TONSL: variants seen among roughly 807,000 people sequenced by gnomAD.
TONSL encodes the protein tonsoku-like protein.
In TONSL, 112 loss-of-function variants were observed where a neutral mutation model predicts 147.1. The ratio of observed to expected loss-of-function variants is 0.76; its 90% confidence interval spans 0.65 to 0.89. The LOEUF (loss-of-function observed/expected upper bound fraction) is 0.89. TONSL is among the 40% of genes least tolerant of loss of function. The probability of loss-of-function intolerance (pLI) is 0.00; values close to 1 mark genes in which losing one functional copy is unlikely to be tolerated. For synonymous variants in TONSL, 868 were observed against 801.5 expected (o/e 1.08, Z -1.40); for missense variants, 1,883 against 1,864.6 (o/e 1.01, Z -0.18).
chr8:144,444,379 G>C lies in TONSL; in HGVS notation c.25+11C>G. 1 of 1,277,192 alleles carries C rather than the reference G, an allele frequency of 7.8e-7. No homozygotes were observed. Among genetic ancestry groups the C allele is most frequent in the Non-Finnish European group, 9.9e-7 (1 of 1,009,718 alleles). The allele number at this position is 1,277,192 out of a possible 1,614,324, so 79.1% of individuals were successfully genotyped here. ...CGCGCCCCCGGAGGAAGGGGTCCCC[G>C]AGGAACTTACGGCGAAGCTCGCGCT... is the stretch of plus-strand genomic sequence containing the variant. On this transcript the variant is annotated intron_variant, in intron 1 of 25. Transcript: ENST00000409379.
chr8:144,431,722 C>G (rs1211541802), intron 23 of TONSL, among the ~76,000 whole-genome samples: 2 of 151,982 alleles, frequency 1.3e-5, no homozygotes, highest in Middle Eastern at 3.2e-3. Context: ...ACCATGTTAG[C>G]CAGGATGGTC....
Position 144,436,041 on chromosome 8 carries a change from C to A in TONSL, c.2392G>T (p.Gly798Cys). ...AGCCGGCTCTGAGCACTGCCCACAC[C>A]CCGGATGGCTGCCTGGTAGGCTGCC... ...SRAAYQAAIR[G>C]VGSAQSRLGP... Residue 798 changes from glycine (G) to cysteine (C), a missense_variant, in exon 17 of 26, where the codon GGT (glycine) becomes TGT (cysteine). By Grantham distance (159) the Gly-to-Cys change is radical. Coordinates refer to ENST00000409379, the MANE Select transcript of TONSL (RefSeq NM_013432.5). 6.4e-7 allele frequency: 1 copy of A among 1,573,710 alleles called. No individual in the cohort carries two copies. The highest frequency in any genetic ancestry group is 1.1e-5 in the South Asian group (1 of 88,246).
rs1199488116 is a variant in TONSL at position 144,435,313 on chromosome 8, C to G, written c.2853-143G>C. ...AGCCGGCCCCTCCTCTCCCTGCAGC[C>G]CAGCACACCACCAGCCCCTCTGCTA... is the stretch of plus-strand genomic sequence containing the variant. On this transcript the variant is annotated intron_variant, in intron 18 of 25. Transcript: ENST00000409379. The G allele has an allele frequency of 5.5e-6, 7 of 1,264,966 alleles. No individual in the cohort carries two copies. The East Asian group carries it at 1.8e-4, about 32-fold the overall frequency. The allele number at this position is 1,264,966 out of a possible 1,614,324, so 78.4% of individuals were successfully genotyped here.
chr8:144,431,204 G>C, intron 23 of TONSL, 53 bp from the exon 24 acceptor site: 2 of 1,580,560 alleles, frequency 1.3e-6, no homozygotes, highest in Non-Finnish European at 8.7e-7. Context: ...CACCTGCCCT[G>C]CCTGCTTCCC....
Position 144,437,061 on chromosome 8 carries a change from TGTCCAGCCACAGTA to T in TONSL, c.1678_1691del (p.Tyr560ThrfsTer51). 6.2e-7 allele frequency: 1 copy of T among 1,613,062 alleles called. No homozygotes were observed. The highest frequency in any genetic ancestry group is 8.5e-7 in the Non-Finnish European group (1 of 1,179,948). On this transcript the variant is annotated frameshift_variant, in exon 14 of 26. Coordinates refer to ENST00000409379, the MANE Select transcript of TONSL (RefSeq NM_013432.5). LOFTEE classifies it high-confidence loss of function. Reference sequence around the variant, plus strand: ...CGTAGTTGCAGGCCTCGTGCAGAGGTGTCCAGCCACAGTAGTCCCGAGGGTTAAGGGGGTGGCCC... The same window carrying T: ...CGTAGTTGCAGGCCTCGTGCAGAGGTGTCCCGAGGGTTAAGGGGGTGGCCC...
Position 144,440,698 on chromosome 8 carries a change from G to A in TONSL, c.1164+20C>T. ...GAGACATGGGTGAACCTGCATTCGG[G>A]CGGGGAGCAAGGGTTTCACCTCCAG... On this transcript the variant is annotated intron_variant, in intron 9 of 25. Coordinates refer to ENST00000409379, the MANE Select transcript of TONSL (RefSeq NM_013432.5). 6.2e-7 allele frequency: 1 copy of A among 1,606,248 alleles called. No homozygotes were observed. Among genetic ancestry groups the A allele is most frequent in the Non-Finnish European group, 8.5e-7 (1 of 1,175,662 alleles).
chr8:144,438,963 A>C (rs1823591925), intron 11 of TONSL, among the ~76,000 whole-genome samples: 1 of 151,892 alleles, frequency 6.6e-6, no homozygotes, highest in Non-Finnish European at 1.5e-5. Context: ...CCCTCTGCCC[A>C]CTTGAGACAC....
In TONSL at chr8:144,438,643, C is replaced by T. The variant is rs770460983; in HGVS notation, c.1563+10G>A. On this transcript the variant is annotated intron_variant, in intron 12 of 25. Coordinates refer to ENST00000409379, the MANE Select transcript of TONSL (RefSeq NM_013432.5). ...GAGCGGGGTGGGTGGGGGCAGGGCACTGTCCTCACCTTGCTCCCCTTCCGC... is the reference window on the plus strand; with the variant it reads ...GAGCGGGGTGGGTGGGGGCAGGGCATTGTCCTCACCTTGCTCCCCTTCCGC... The T allele has an allele frequency of 9.9e-6, 16 of 1,612,860 alleles. No individual in the cohort carries two copies. Among genetic ancestry groups the T allele is most frequent in the Middle Eastern group, 3.3e-4 (2 of 6,054 alleles).
Position 144,440,338 on chromosome 8 carries a change from TG to T in TONSL, c.1290+12del. The T allele has an allele frequency of 6.3e-7, 1 of 1,577,918 alleles. No homozygotes were observed. The highest frequency in any genetic ancestry group is 1.3e-5 in the African/African-American group (1 of 74,200). On this transcript the variant is annotated intron_variant, in intron 10 of 25. Coordinates refer to ENST00000409379, the MANE Select transcript of TONSL (RefSeq NM_013432.5). ...CACCGGGGAGCCAGTATGGGTGGGATGGGCTCTCGCACCTGCAGCTGGGGAC... is the reference window on the plus strand; with the variant it reads ...CACCGGGGAGCCAGTATGGGTGGGATGGCTCTCGCACCTGCAGCTGGGGAC...
rs1273404121 is a variant in TONSL, at chr8:144,436,322, T to G, written c.2111A>C (p.Asn704Thr). Residue 704 changes from asparagine (N) to threonine (T), a missense_variant, in exon 17 of 26, where the codon AAT (asparagine) becomes ACT (threonine). Asn to Thr is a moderately conservative substitution (Grantham distance 65, BLOSUM62 0). Coordinates refer to ENST00000409379, the MANE Select transcript of TONSL (RefSeq NM_013432.5). ...PLSPCPEPPS[N>T]STRLPEASQA... is the part of the protein sequence containing the mutation. ...AGAGGCCTCTGGGAGTCTAGTGCTA[T>G]TAGAGGGGGGTTCTGGGCAGGGGCT... The G allele has an allele frequency of 8.7e-6, 13 of 1,501,854 alleles. No individual in the cohort carries two copies. Among genetic ancestry groups the G allele is most frequent in the Non-Finnish European group, 1.1e-5 (13 of 1,132,592 alleles). The allele number at this position is 1,501,854 out of a possible 1,614,324, so 93.0% of individuals were successfully genotyped here.
chr8:144,436,244 G>C lies in TONSL; in HGVS notation c.2189C>G (p.Pro730Arg). 1.3e-6 allele frequency: 2 copies of C among 1,543,162 alleles called. No individual in the cohort carries two copies. The highest frequency in any genetic ancestry group is 1.7e-6 in the Non-Finnish European group (2 of 1,148,522). ...PGQAAPAMARPRRSRHGPASS... is the reference protein window; with the variant it reads ...PGQAAPAMARRRRSRHGPASS... Reference sequence around the variant, plus strand: ...GGCTGGCCCATGCCTGCTCCTCCGAGGCCTGGCCATGGCTGGTGCCGCCTG... The same window carrying C: ...GGCTGGCCCATGCCTGCTCCTCCGACGCCTGGCCATGGCTGGTGCCGCCTG... Residue 730 changes from proline to arginine, a missense_variant, in exon 17 of 26, where the codon CCT becomes CGT. Pro to Arg is a moderately radical substitution (Grantham distance 103, BLOSUM62 -2). Coordinates refer to ENST00000409379, the MANE Select transcript of TONSL (RefSeq NM_013432.5).
rs1564729049 is a variant in TONSL at position 144,435,525 on chromosome 8, C to T, written c.2801G>A (p.Arg934Gln). ...PLGPAPPPPI[R>Q]VRVQVQDHLF... ...ATGATCCTGAACTTGAACTCGAACC[C>T]GGATGGGAGGGGGCGGGGCCGGACC... Residue 934 changes from arginine (R) to glutamine (Q), a missense_variant, in exon 18 of 26, where the codon CGG becomes CAG. By Grantham distance (43) the Arg-to-Gln change is conservative (BLOSUM62 1). Coordinates refer to ENST00000409379, the MANE Select transcript of TONSL (RefSeq NM_013432.5). 6 of 1,550,806 alleles carry T rather than the reference C, an allele frequency of 3.9e-6. No homozygotes were observed. Among genetic ancestry groups the T allele is most frequent in the East Asian group, 2.4e-5 (1 of 41,012 alleles).
At chr8:144,443,781 C>T (rs1823804708) in intron 3 of TONSL, 101 bp downstream of exon 3, 1 of 1,478,524 alleles carries the variant, frequency 6.8e-7, no homozygotes, top group East Asian at 2.5e-5. Flanking sequence ...CAGGTGTCCC[C>T]TCCAGCCCGA....
Position 144,429,164 on chromosome 8 carries a change from C to T in TONSL, c.4116G>A (p.Lys1372=). Reference sequence around the variant, plus strand: ...AGGGTCAGAGGCGCCGAAAGAAGAGCTTGGAGCCGTGGTCCAGCGTGCACT... The same window carrying T: ...AGGGTCAGAGGCGCCGAAAGAAGAGTTTGGAGCCGTGGTCCAGCGTGCACT... The part of the protein sequence containing the change: ...PGECTLDHGS[K]LFFRRL The change falls in exon 26 of 26, where the codon AAG becomes AAA. Residue 1372 remains lysine, a synonymous_variant. Transcript: ENST00000409379. The T allele has an allele frequency of 6.5e-7, 1 of 1,532,726 alleles. No homozygotes were observed. The highest frequency in any genetic ancestry group is 8.7e-7 in the Non-Finnish European group (1 of 1,144,542). 94.9% of individuals were successfully genotyped at this position (1,532,726 alleles called of 1,614,324 possible). A position where few individuals can be genotyped will look rare whatever the true frequency, so the allele number is the denominator to read the frequency against.
chr8:144,440,578 T>C (rs1468773853), intron 9 of TONSL, 102 bp from the exon 10 acceptor site: 1 of 1,520,942 alleles, frequency 6.6e-7, no homozygotes, highest in Non-Finnish European at 8.8e-7. Context: ...GAGCCCGGCC[T>C]CCCAGCTGCC....
rs1823783040 is a variant in TONSL, at chr8:144,443,126, G to A, written c.448+12C>T. ...AGTTCAGGAGGCAGAAAACGCGGAG[G>A]GGTCTGCCCACCCTCCAGCTCCTCA... is the stretch of plus-strand genomic sequence containing the variant. On this transcript the variant is annotated intron_variant, in intron 4 of 25. Coordinates refer to ENST00000409379, the MANE Select transcript of TONSL (RefSeq NM_013432.5). 1 of 1,545,794 alleles carries A rather than the reference G, an allele frequency of 6.5e-7. No individual in the cohort carries two copies. Among genetic ancestry groups the A allele is most frequent in the East Asian group, 2.5e-5 (1 of 40,744 alleles).
At chr8:144,441,486 G>A (rs191964993) in intron 7 of TONSL, 121 of 214,936 alleles carry the variant, frequency 5.6e-4, no homozygotes, top group Non-Finnish European at 1.0e-3. Flanking sequence ...CAGCTACTCG[G>A]GAGGCTGAGG....
intron 23 of TONSL, 134 bp downstream of exon 23, chr8:144,432,151 A>T: frequency 9.6e-7 from 1 of 1,039,672 alleles, no homozygotes; most frequent in Non-Finnish European, 1.4e-6. Flanking sequence ...CTAAACCTCC[A>T]AACCTCTAAC....
intron 11 of TONSL, 91 bp downstream of exon 11, chr8:144,439,930 C>T (rs953519434): frequency 1.4e-5 from 10 of 691,692 alleles, no homozygotes; most frequent in African/African-American, 3.6e-5. Flanking sequence ...CCTGCTACAG[C>T]CCTAAGCAGG....
Sources: gnomAD v4.1 joint callset for allele counts (sites outside exome capture counted in the v4.1 genomes callset) on GRCh38, gnomAD v4.1.1 for gene constraint, MANE v1.5 for transcripts, NCBI Gene and HGNC (gene_info 2026-07-23, HGNC 2026-07-21) for gene names.